APEH: variants seen among roughly 807,000 people sequenced by gnomAD.
The protein encoded by APEH is acylamino-acid-releasing enzyme.
In APEH, 75 loss-of-function variants were observed where a neutral mutation model predicts 102.7. The ratio of observed to expected loss-of-function variants is 0.73; its 90% CI spans 0.61 to 0.89. The LOEUF is 0.89. Ranked by LOEUF, APEH falls within the 40% of genes least tolerant of loss-of-function variation. The pLI, the probability that APEH is intolerant of heterozygous loss-of-function variation, is 0.00. For missense variants in APEH, 863 were observed against 941.2 expected, an observed-to-expected ratio of 0.92 and a Z score of 1.09; for synonymous variants, 344 against 362.7, an observed-to-expected ratio of 0.95 and a Z score of 0.59.
rs780720403 is a variant in APEH at position 49,676,213 on chromosome 3, C to T, written c.600C>T (p.Ala200=). 11 of 1,613,918 alleles carry T rather than the reference C, an allele frequency of 6.8e-6. No homozygotes were observed. The highest frequency in any genetic ancestry group is 9.3e-6 in the Non-Finnish European group (11 of 1,179,922). The change falls in exon 6 of 22, where the codon GCC becomes GCT. Residue 200 remains alanine (A), a synonymous_variant. Coordinates refer to ENST00000296456, the MANE Select transcript of APEH (RefSeq NM_001640.4). ...EIARLKKPDQ[A]IKGDQFVFYE... ...CCAGGCTGAAGAAGCCAGACCAAGC[C>T]ATCAAGGTGCTCGTGGTCAATCCAC... is the stretch of plus-strand genomic sequence containing the variant.
rs1364793122 is a variant in APEH at position 49,681,789 on chromosome 3, G to A, written c.1506G>A (p.Met502Ile). 3 of 1,611,616 alleles carry A rather than the reference G, an allele frequency of 1.9e-6. No homozygotes were observed. Among genetic ancestry groups the A allele is most frequent in the Admixed American group, 3.3e-5 (2 of 59,892 alleles). Residue 502 changes from methionine to isoleucine, a missense_variant, in exon 16 of 22, where the codon ATG becomes ATA. By Grantham distance (10) the Met-to-Ile change is conservative. Transcript: ENST00000296456. ...GSPPDKTQVP[M>I]VVMPHGGPHS... Reference sequence around the variant, plus strand: ...CTCCAGATAAGACCCAAGTGCCCATGGTGGTCATGCCCCACGGTAGGCATC... The same window carrying A: ...CTCCAGATAAGACCCAAGTGCCCATAGTGGTCATGCCCCACGGTAGGCATC...
At chr3:49,680,052 C>G (rs908896589) in intron 13 of APEH, 1 of 238,010 alleles carries the variant, frequency 4.2e-6, no homozygotes. Context: ...CCAGTGTTGA[C>G]TCCCCCGTCT....
In APEH at chr3:49,681,235, G is replaced by C; in HGVS notation, c.1434G>C (p.Gln478His). 1 of 1,579,838 alleles carries C rather than the reference G, an allele frequency of 6.3e-7. No individual in the cohort carries two copies. Among genetic ancestry groups the C allele is most frequent in the Non-Finnish European group, 8.6e-7 (1 of 1,160,548 alleles). The change falls in exon 15 of 22, where the codon CAG becomes CAC. Residue 478 changes from glutamine to histidine, a missense_variant. Coordinates refer to ENST00000296456, the MANE Select transcript of APEH (RefSeq NM_001640.4). ...CACCCCCAGAGCAAGAGAATGTGCA[G>C]TATGGTGAGCTGGGCCAGGGGCAGA... is the stretch of plus-strand genomic sequence containing the variant. ...LQPPPEQENV[Q>H]YAGLDFEAIL...
At position 49,680,646 on chromosome 3, in the gene APEH, C is replaced by A; in HGVS notation, c.1299+17C>A. On this transcript the variant is annotated intron_variant, in intron 14 of 21. Coordinates refer to ENST00000296456, the MANE Select transcript of APEH (RefSeq NM_001640.4). ...CCAACCCTGGTGAGTGTCGGTGGGT[C>A]CCAGGCTGTGGAGGCAGGGGTTCTG... The A allele has an allele frequency of 6.2e-7, 1 of 1,609,964 alleles. No homozygotes were observed. Among genetic ancestry groups the A allele is most frequent in the South Asian group, 1.1e-5 (1 of 90,904 alleles).
At position 49,674,554 on chromosome 3, in the gene APEH, G is replaced by A. The variant is rs2052927990; in HGVS notation, c.78G>A (p.Leu26=). ...GGGGCCTTAGCCGCCAGCCCGCGCT[G>A]AGCGCCGCCTGCCTGGGCCCGGAGG... The part of the protein sequence containing the change: ...LYRGLSRQPA[L]SAACLGPEVT... Residue 26 remains leucine (L), a synonymous_variant, in exon 2 of 22, where the codon CTG becomes CTA. Coordinates refer to ENST00000296456, the MANE Select transcript of APEH (RefSeq NM_001640.4). The A allele has an allele frequency of 1.3e-6, 2 of 1,566,204 alleles. No homozygotes were observed. Among genetic ancestry groups the A allele is most frequent in the South Asian group, 2.3e-5 (2 of 86,662 alleles).
Position 49,683,050 on chromosome 3 carries a change from C to T in APEH, c.1997C>T (p.Pro666Leu). 1 of 1,614,026 alleles carries T rather than the reference C, an allele frequency of 6.2e-7. No homozygotes were observed. Among genetic ancestry groups the T allele is most frequent in the Non-Finnish European group, 8.5e-7 (1 of 1,179,974 alleles). Residue 666 changes from proline to leucine, a missense_variant, in exon 21 of 22, where the codon CCA (proline) becomes CTA (leucine). By Grantham distance (98) the Pro-to-Leu change is moderately conservative. Transcript: ENST00000296456. ...TCCCCAAACACCCAGGTGAAGACACCACTGTTACTGATGTTGGGCCAGGAG... is the reference window on the plus strand; with the variant it reads ...TCCCCAAACACCCAGGTGAAGACACTACTGTTACTGATGTTGGGCCAGGAG... ...PIRYIPQVKT[P>L]LLLMLGQEDR...
In APEH at chr3:49,674,681, G is replaced by C. The variant is rs1337340934; in HGVS notation, c.145+60G>C. ...GTCGCGCACTGGGGTGGGAAGGAAG[G>C]GGGTGTGGAGGGCTCGCTGCTTGAC... On this transcript the variant is annotated intron_variant, in intron 2 of 21. Transcript: ENST00000296456. 19 of 1,567,742 alleles carry C rather than the reference G, an allele frequency of 1.2e-5. No individual in the cohort carries two copies. The Admixed American group carries it at 1.7e-4, about 14-fold the overall frequency.
Position 49,674,579 on chromosome 3 carries a change from G to T in APEH, c.103G>T (p.Val35Phe), listed in dbSNP as rs2052930495. 3.8e-6 allele frequency: 6 copies of T among 1,577,300 alleles called. No individual in the cohort carries two copies. Among genetic ancestry groups the T allele is most frequent in the Non-Finnish European group, 5.1e-6 (6 of 1,171,178 alleles). The part of the protein sequence containing the change: ...ALSAACLGPE[V>F]TTQYGGQYRT... ...GAGCGCCGCCTGCCTGGGCCCGGAGGTCACCACGCAGTACGGCGGCCAATA... is the reference window on the plus strand; with the variant it reads ...GAGCGCCGCCTGCCTGGGCCCGGAGTTCACCACGCAGTACGGCGGCCAATA... Residue 35 changes from valine to phenylalanine, a missense_variant, in exon 2 of 22, where the codon GTC (valine) becomes TTC (phenylalanine). Val to Phe is a conservative substitution (Grantham distance 50, BLOSUM62 -1). Coordinates refer to ENST00000296456, the MANE Select transcript of APEH (RefSeq NM_001640.4).
chr3:49,674,160 C>T, upstream of APEH: 1 of 555,900 alleles, frequency 1.8e-6, no homozygotes, highest in Non-Finnish European at 3.1e-6. Context: ...CTTGGCTAGT[C>T]CGCCCCTGGC....
At chr3:49,681,689 C>T in intron 15 of APEH, 33 bp from the exon 16 acceptor site, 5 of 1,517,790 alleles carry the variant, frequency 3.3e-6, no homozygotes, top group Non-Finnish European at 4.5e-6. Flanking sequence ...AGCCCCTAGG[C>T]TCACCCTGCT....
Position 49,674,542 on chromosome 3 carries a change from C to G in APEH, c.66C>G (p.Arg22=), listed in dbSNP as rs1339203633. The G allele has an allele frequency of 1.9e-6, 3 of 1,565,172 alleles. No homozygotes were observed. The highest frequency in any genetic ancestry group is 2.6e-6 in the Non-Finnish European group (3 of 1,164,170). ...CGGCTCTGTATCGGGGCCTTAGCCGCCAGCCCGCGCTGAGCGCCGCCTGCC... is the reference window on the plus strand; with the variant it reads ...CGGCTCTGTATCGGGGCCTTAGCCGGCAGCCCGCGCTGAGCGCCGCCTGCC... ...EAAALYRGLS[R]QPALSAACLG... Residue 22 remains arginine, a synonymous_variant, in exon 2 of 22, where the codon CGC becomes CGG. Transcript: ENST00000296456.
chr3:49,679,532 C>A lies in APEH; in HGVS notation c.1159-61C>A. 1 of 1,567,070 alleles carries A rather than the reference C, an allele frequency of 6.4e-7. No homozygotes were observed. Among genetic ancestry groups the A allele is most frequent in the Non-Finnish European group, 8.8e-7 (1 of 1,138,424 alleles). ...GGGTAGAGAGGAGGTAGGGGAGGGACCCATAGGTAGAGGGAGTACTCTTGG... is the reference window on the plus strand; with the variant it reads ...GGGTAGAGAGGAGGTAGGGGAGGGAACCATAGGTAGAGGGAGTACTCTTGG... On this transcript the variant is annotated intron_variant, in intron 12 of 21. Transcript: ENST00000296456. This position sits in a 1 kb window ranked among gnomAD's most constrained non-coding sequence, Gnocchi z 4.3.
At position 49,676,238 on chromosome 3, in the gene APEH, C is replaced by G. The variant is rs374439004; in HGVS notation, c.606+19C>G. On this transcript the variant is annotated intron_variant, in intron 6 of 21. Coordinates refer to ENST00000296456, the MANE Select transcript of APEH (RefSeq NM_001640.4). ...CATCAAGGTGCTCGTGGTCAATCCA[C>G]GAAGGCCCGGCAGGGCAGCCCTGGG... is the stretch of plus-strand genomic sequence containing the variant. 1.2e-6 allele frequency: 2 copies of G among 1,612,764 alleles called. No individual in the cohort carries two copies. The highest frequency in any genetic ancestry group is 1.7e-6 in the Non-Finnish European group (2 of 1,179,262).
In APEH at chr3:49,676,665, CT is replaced by C. The variant is rs1559631805; in HGVS notation, c.803del (p.Phe268SerfsTer40). On this transcript the variant is annotated frameshift_variant, in exon 8 of 22. Transcript: ENST00000296456. LOFTEE classifies it high-confidence loss of function. ...VVFVGWWHEP[F>X]RLGIRFCTNR... ...TGTTTGTGGGCTGGTGGCATGAGCC[CT>C]TCCGGTTGGGCATCCGCTTTTGCAC... 6.2e-7 allele frequency: 1 copy of C among 1,614,254 alleles called. No individual in the cohort carries two copies. Among genetic ancestry groups the C allele is most frequent in the Non-Finnish European group, 8.5e-7 (1 of 1,180,044 alleles).
At chr3:49,681,524 G>C (rs1200208741) in intron 15 of APEH, among the ~76,000 whole-genome samples, 198 bp from the exon 16 acceptor site, 1 of 152,190 alleles carries the variant, frequency 6.6e-6, no homozygotes, top group African/African-American at 2.4e-5. Context: ...ACCTCATCCC[G>C]AATGCTGTTG....
rs201578241 is a variant in APEH at position 49,675,848 on chromosome 3, G to C, written c.367-43G>C. On this transcript the variant is annotated intron_variant, in intron 4 of 21. Transcript: ENST00000296456. ...AGAGAGGCTCTGCCCCACAGATAAG[G>C]CTCTGTTAGCGGGCAAACAGCCTAA... 69 of 1,612,678 alleles carry C rather than the reference G, an allele frequency of 4.3e-5. No homozygotes were observed. The African/African-American group carries it at 8.1e-4, about 19-fold the overall frequency.
In APEH at chr3:49,676,697, G is replaced by A. The variant is rs919875890; in HGVS notation, c.833G>A (p.Arg278His). The A allele has an allele frequency of 2.5e-6, 4 of 1,614,146 alleles. No homozygotes were observed. Among genetic ancestry groups the A allele is most frequent in the African/African-American group, 2.7e-5 (2 of 74,952 alleles). ...TTGGGCATCCGCTTTTGCACCAATC[G>A]CAGGTGAGGGAGTGGGGCAAGGCAA... ...FRLGIRFCTN[R>H]RSALYYVDLI... Residue 278 changes from arginine to histidine, a missense_variant, in exon 8 of 22, where the codon CGC (arginine) becomes CAC (histidine). By Grantham distance (29) the Arg-to-His change is conservative (BLOSUM62 0). Transcript: ENST00000296456.
intron 14 of APEH, among the ~76,000 whole-genome samples, chr3:49,680,830 C>T (rs2053285497): frequency 6.6e-6 from 1 of 152,222 alleles, no homozygotes; most frequent in South Asian, 2.1e-4. Context: ...CCGTACAAAA[C>T]AAGGTGCCTG....
At chr3:49,674,312 A>C, upstream of APEH, 1 of 1,469,784 alleles carries the variant, frequency 6.8e-7, no homozygotes, top group Non-Finnish European at 9.1e-7. Context: ...AGGGGCGGAG[A>C]CAGCCCGGGC....
Sources: gnomAD v4.1 joint callset for allele counts (sites outside exome capture counted in the v4.1 genomes callset) on GRCh38, gnomAD v4.1.1 for gene constraint, Gnocchi (gnomAD v3.1) non-coding constraint, MANE v1.5 for transcripts, NCBI Gene and HGNC (gene_info 2026-07-23, HGNC 2026-07-21) for gene names.